The following MARS2 variants were observed in gnomAD, a reference collection of about 807,000 sequenced individuals.
MARS2 encodes methionyl-tRNA synthetase 2, mitochondrial.
Under a neutral mutation model 43.8 loss-of-function variants are expected in MARS2, and 33 were observed. The ratio of observed to expected loss-of-function variants is 0.75; its 90% confidence interval spans 0.57 to 1.01. The LOEUF (loss-of-function observed/expected upper bound fraction) is 1.01. Among genes scored for constraint, MARS2 ranks in the 50% least tolerant of loss-of-function variants. The pLI is 0.00. For synonymous variants in MARS2, 351 were observed against 325.5 expected, an observed-to-expected ratio of 1.08 and a Z score of -0.84; for missense variants, 720 against 763.0, an observed-to-expected ratio of 0.94 and a Z score of 0.66.
rs2089485117 is a variant in MARS2, at chr2:197,707,350, C to CTGT, written c.*164_*165insGTT. 4 of 575,542 alleles carry CTGT rather than the reference C, an allele frequency of 6.9e-6. No homozygotes were observed. The South Asian group carries it at 8.4e-5, about 12-fold the overall frequency. 35.7% of individuals were successfully genotyped at this position (575,542 alleles called of 1,614,324 possible). On this transcript the variant is annotated 3_prime_UTR_variant, in exon 1 of 1. Coordinates refer to ENST00000282276, the MANE Select transcript of MARS2 (RefSeq NM_138395.4). ...TTTGTAGCCTTTCAGGTGCCTGCTC[C>CTGT]TATTCATTTCTCTGTGACCATTGAT... is the stretch of plus-strand genomic sequence containing the variant.
chr2:197,707,513 T>G lies in MARS2; in HGVS notation c.*326T>G, dbSNP rs2089486348. The G allele has an allele frequency of 3.8e-6, 1 of 260,150 alleles. No individual in the cohort carries two copies. Among genetic ancestry groups the G allele is most frequent in the Non-Finnish European group, 8.0e-6 (1 of 125,300 alleles). The allele number at this position is 260,150 out of a possible 1,614,324, so 16.1% of individuals were successfully genotyped here. On this transcript the variant is annotated 3_prime_UTR_variant, in exon 1 of 1. Coordinates refer to ENST00000282276, the MANE Select transcript of MARS2 (RefSeq NM_138395.4). ...GCCCAAACTACCTCTCGTGGCTGGT[T>G]TTTCATTGGCCTGGCCTCTGCTTCT... is the stretch of plus-strand genomic sequence containing the variant.
rs770711473 is a variant in MARS2, at chr2:197,705,780, C to G, written c.375C>G (p.Phe125Leu). 17 of 1,613,278 alleles carry G rather than the reference C, an allele frequency of 1.1e-5. No individual in the cohort carries two copies. Among genetic ancestry groups the G allele is most frequent in the African/African-American group, 2.7e-5 (2 of 74,938 alleles). Residue 125 changes from phenylalanine (F) to leucine (L), a missense_variant, in exon 1 of 1, where the codon TTC becomes TTG. Phe to Leu is a conservative substitution (Grantham distance 22). Coordinates refer to ENST00000282276, the MANE Select transcript of MARS2 (RefSeq NM_138395.4). The stretch of plus-strand genomic sequence containing the variant: ...TCTCTGAGCAGTTCCAGCAGCTTTT[C>G]CAGGAGGCCGGTATCTCCTGCACAG... ...DRVSEQFQQL[F>L]QEAGISCTDF...
Position 197,706,693 on chromosome 2 carries a change from C to T in MARS2, c.1288C>T (p.Pro430Ser), listed in dbSNP as rs758848758. The change falls in exon 1 of 1, where the codon CCT becomes TCT. Residue 430 changes from proline (P) to serine (S), a missense_variant. Pro to Ser is a moderately conservative substitution (Grantham distance 74). Coordinates refer to ENST00000282276, the MANE Select transcript of MARS2 (RefSeq NM_138395.4). Reference sequence around the variant, plus strand: ...CCCAGCCTTCTGCACTACCTGCTTCCCTAGTGAGCCAGGGTTGGTGGGGCC... The same window carrying T: ...CCCAGCCTTCTGCACTACCTGCTTCTCTAGTGAGCCAGGGTTGGTGGGGCC... ...TYPAFCTTCF[P>S]SEPGLVGPSV... 5.0e-6 allele frequency: 8 copies of T among 1,614,052 alleles called. No homozygotes were observed. Among genetic ancestry groups the T allele is most frequent in the South Asian group, 1.1e-5 (1 of 91,088 alleles).
Position 197,705,483 on chromosome 2 carries a change from A to C in MARS2, c.78A>C (p.Pro26=), listed in dbSNP as rs11537632. The C allele has an allele frequency of 1.9e-6, 3 of 1,613,080 alleles. No individual in the cohort carries two copies. The highest frequency in any genetic ancestry group is 3.3e-5 in the Admixed American group (2 of 60,028). The stretch of plus-strand genomic sequence containing the variant: ...TGTCTCTCCTGGAGGACTTCGGCCC[A>C]CGCTACTACAGTTCGGGCTCCCTCA... ...SRLSLLEDFG[P]RYYSSGSLSA... is the part of the protein sequence containing the mutation. The change falls in exon 1 of 1, where the codon CCA becomes CCC. Residue 26 remains proline, a synonymous_variant. Transcript: ENST00000282276.
chr2:197,705,500 G>C lies in MARS2; in HGVS notation c.95G>C (p.Gly32Ala), dbSNP rs1238905307. 2 of 1,613,034 alleles carry C rather than the reference G, an allele frequency of 1.2e-6. No individual in the cohort carries two copies. Among genetic ancestry groups the C allele is most frequent in the Non-Finnish European group, 1.7e-6 (2 of 1,180,002 alleles). The change falls in exon 1 of 1, where the codon GGC (glycine) becomes GCC (alanine). Residue 32 changes from glycine (G) to alanine (A), a missense_variant. Physicochemically the swap from Gly to Ala is moderately conservative, Grantham distance 60. Coordinates refer to ENST00000282276, the MANE Select transcript of MARS2 (RefSeq NM_138395.4). ...EDFGPRYYSSGSLSAGDDACD... is the reference protein window; with the variant it reads ...EDFGPRYYSSASLSAGDDACD... ...TTCGGCCCACGCTACTACAGTTCGG[G>C]CTCCCTCAGTGCCGGCGATGATGCT...
In MARS2 at chr2:197,705,599, C is replaced by T. The variant is rs745420041; in HGVS notation, c.194C>T (p.Ser65Leu). Residue 65 changes from serine (S) to leucine (L), a missense_variant, in exon 1 of 1, where the codon TCG becomes TTG. By Grantham distance (145) the Ser-to-Leu change is moderately radical (BLOSUM62 -2). Coordinates refer to ENST00000282276, the MANE Select transcript of MARS2 (RefSeq NM_138395.4). ...GCGCCGCACATCGGGCACCTGTACT[C>T]GGCACTACTGGCGGACGCCCTATGC... ...NAAPHIGHLY[S>L]ALLADALCRH... 1.3e-5 allele frequency: 21 copies of T among 1,613,070 alleles called. No homozygotes were observed. The highest frequency in any genetic ancestry group is 1.5e-5 in the Non-Finnish European group (18 of 1,179,932).
chr2:197,706,906 G>C lies in MARS2; in HGVS notation c.1501G>C (p.Val501Leu). ...APWKLNWESP[V>L]DAPWLGTVLH... is the part of the protein sequence containing the mutation. ...ATGGAAGCTGAACTGGGAGAGCCCA[G>C]TGGATGCTCCCTGGCTGGGTACTGT... Residue 501 changes from valine to leucine, a missense_variant, in exon 1 of 1, where the codon GTG becomes CTG. By Grantham distance (32) the Val-to-Leu change is conservative. Coordinates refer to ENST00000282276, the MANE Select transcript of MARS2 (RefSeq NM_138395.4). 1 of 1,614,218 alleles carries C rather than the reference G, an allele frequency of 6.2e-7. No individual in the cohort carries two copies. The highest frequency in any genetic ancestry group is 8.5e-7 in the Non-Finnish European group (1 of 1,180,038).
chr2:197,705,502 T>G lies in MARS2; in HGVS notation c.97T>G (p.Ser33Ala). The G allele has an allele frequency of 6.2e-7, 1 of 1,613,174 alleles. No individual in the cohort carries two copies. Among genetic ancestry groups the G allele is most frequent in the Non-Finnish European group, 8.5e-7 (1 of 1,179,992 alleles). Residue 33 changes from serine to alanine, a missense_variant, in exon 1 of 1, where the codon TCC (serine) becomes GCC (alanine). By Grantham distance (99) the Ser-to-Ala change is moderately conservative. Coordinates refer to ENST00000282276, the MANE Select transcript of MARS2 (RefSeq NM_138395.4). ...DFGPRYYSSG[S>A]LSAGDDACDV... The stretch of plus-strand genomic sequence containing the variant: ...CGGCCCACGCTACTACAGTTCGGGC[T>G]CCCTCAGTGCCGGCGATGATGCTTG...
Position 197,705,369 on chromosome 2 carries a change from A to G in MARS2, c.-37A>G, listed in dbSNP as rs950461794. Reference sequence around the variant, plus strand: ...GCATGCGCCTCTCACACGTGCTGTCAGAACGCCGCCTCCTCCGCTTGCGGC... The same window carrying G: ...GCATGCGCCTCTCACACGTGCTGTCGGAACGCCGCCTCCTCCGCTTGCGGC... On this transcript the variant is annotated 5_prime_UTR_variant, in exon 1 of 1. Coordinates refer to ENST00000282276, the MANE Select transcript of MARS2 (RefSeq NM_138395.4). 5 of 1,540,868 alleles carry G rather than the reference A, an allele frequency of 3.2e-6. No individual in the cohort carries two copies. Among genetic ancestry groups the G allele is most frequent in the Non-Finnish European group, 4.4e-6 (5 of 1,141,354 alleles).
In MARS2 at chr2:197,706,726, C is replaced by G; in HGVS notation, c.1321C>G (p.Arg441Gly). Residue 441 changes from arginine to glycine, a missense_variant, in exon 1 of 1, where the codon CGT becomes GGT. Arg to Gly is a moderately radical substitution (Grantham distance 125). Transcript: ENST00000282276. ...SEPGLVGPSVRAQAEDYALVS... is the reference protein window; with the variant it reads ...SEPGLVGPSVGAQAEDYALVS... ...GCCAGGGTTGGTGGGGCCGTCAGTT[C>G]GTGCTCAGGCAGAGGATTATGCTCT... 6.2e-7 allele frequency: 1 copy of G among 1,613,998 alleles called. No homozygotes were observed. Among genetic ancestry groups the G allele is most frequent in the Non-Finnish European group, 8.5e-7 (1 of 1,180,032 alleles).
Position 197,707,030 on chromosome 2 carries a change from C to G in MARS2, c.1625C>G (p.Ser542Cys), listed in dbSNP as rs2089482480. 1.2e-6 allele frequency: 2 copies of G among 1,614,148 alleles called. No individual in the cohort carries two copies. The highest frequency in any genetic ancestry group is 8.5e-7 in the Non-Finnish European group (1 of 1,180,036). Residue 542 changes from serine (S) to cysteine (C), a missense_variant, in exon 1 of 1, where the codon TCT (serine) becomes TGT (cysteine). By Grantham distance (112) the Ser-to-Cys change is moderately radical. Coordinates refer to ENST00000282276, the MANE Select transcript of MARS2 (RefSeq NM_138395.4). ...ADKLLSRLGV[S>C]ASERSLGELY... is the part of the protein sequence containing the mutation. ...AAGCTGCTGTCTAGGCTGGGGGTCTCTGCCTCAGAGAGGAGTCTTGGAGAG... is the reference window on the plus strand; with the variant it reads ...AAGCTGCTGTCTAGGCTGGGGGTCTGTGCCTCAGAGAGGAGTCTTGGAGAG...
In MARS2 at chr2:197,705,441, C is replaced by T. The variant is rs573976844; in HGVS notation, c.36C>T (p.Arg12=). 6.8e-5 allele frequency: 109 copies of T among 1,612,238 alleles called. 2 individuals are homozygous for T. The South Asian group carries it at 1.1e-3, about 17-fold the overall frequency. ...CGTCCGTCCTCCGCCTGCTAGGACGCACGGGGGCTAGTAGGCTGTCTCTCC... is the reference window on the plus strand; with the variant it reads ...CGTCCGTCCTCCGCCTGCTAGGACGTACGGGGGCTAGTAGGCTGTCTCTCC... ...LRTSVLRLLG[R]TGASRLSLLE... The change falls in exon 1 of 1, where the codon CGC becomes CGT. Residue 12 remains arginine (R), a synonymous_variant. Coordinates refer to ENST00000282276, the MANE Select transcript of MARS2 (RefSeq NM_138395.4).
In MARS2 at chr2:197,705,465, C is replaced by T. The variant is rs201033319; in HGVS notation, c.60C>T (p.Leu20=). The change falls in exon 1 of 1, where the codon CTC becomes CTT. Residue 20 remains leucine, a synonymous_variant. Coordinates refer to ENST00000282276, the MANE Select transcript of MARS2 (RefSeq NM_138395.4). The part of the protein sequence containing the change: ...LGRTGASRLS[L]LEDFGPRYYS... ...GCACGGGGGCTAGTAGGCTGTCTCT[C>T]CTGGAGGACTTCGGCCCACGCTACT... The T allele has an allele frequency of 1.3e-4, 205 of 1,612,956 alleles. 2 individuals are homozygous for T. In the East Asian group the frequency reaches 1.8e-3, roughly 14 times the overall value.
chr2:197,706,410 C>T lies in MARS2; in HGVS notation c.1005C>T (p.Ile335=). 4 of 1,614,148 alleles carry T rather than the reference C, an allele frequency of 2.5e-6. No homozygotes were observed. The highest frequency in any genetic ancestry group is 3.4e-6 in the Non-Finnish European group (4 of 1,180,046). The stretch of plus-strand genomic sequence containing the variant: ...CCGGCATGAGCCCGCCACAGCGCAT[C>T]TGTGTCCATTCCCACTGGACAGTCT... The part of the protein sequence containing the change: ...LGAGMSPPQR[I]CVHSHWTVCG... Residue 335 remains isoleucine (I), a synonymous_variant, in exon 1 of 1, where the codon ATC becomes ATT. Transcript: ENST00000282276.
At position 197,706,499 on chromosome 2, in the gene MARS2, A is replaced by G. The variant is rs146365382; in HGVS notation, c.1094A>G (p.Tyr365Cys). Residue 365 changes from tyrosine (Y) to cysteine (C), a missense_variant, in exon 1 of 1, where the codon TAT (tyrosine) becomes TGT (cysteine). Transcript: ENST00000282276. ...VVDPRTCLNR[Y>C]TVDGFRYFLL... is the part of the protein sequence containing the mutation. ...GATCCTAGGACTTGCCTTAACCGCTATACCGTGGATGGCTTCCGCTACTTT... is the reference window on the plus strand; with the variant it reads ...GATCCTAGGACTTGCCTTAACCGCTGTACCGTGGATGGCTTCCGCTACTTT... The G allele has an allele frequency of 1.7e-4, 271 of 1,614,008 alleles. 3 individuals carry two copies. The Middle Eastern group carries it at 5.8e-3, about 34-fold the overall frequency.
Position 197,705,897 on chromosome 2 carries a change from C to G in MARS2, c.492C>G (p.Val164=). The G allele has an allele frequency of 1.2e-6, 2 of 1,614,166 alleles. No homozygotes were observed. Among genetic ancestry groups the G allele is most frequent in the African/African-American group, 1.3e-5 (1 of 75,070 alleles). The change falls in exon 1 of 1, where the codon GTC becomes GTG. Residue 164 remains valine, a synonymous_variant. Transcript: ENST00000282276. ...CCCGCGGTCTGCTCTACAAGGGCGT[C>G]TATGAAGGTTGGTATTGCGCTTCCG... ...LKSRGLLYKG[V]YEGWYCASDE...
At position 197,706,562 on chromosome 2, in the gene MARS2, A is replaced by G. The variant is rs756231243; in HGVS notation, c.1157A>G (p.Tyr386Cys). The change falls in exon 1 of 1, where the codon TAC becomes TGC. Residue 386 changes from tyrosine (Y) to cysteine (C), a missense_variant. By Grantham distance (194) the Tyr-to-Cys change is radical. Coordinates refer to ENST00000282276, the MANE Select transcript of MARS2 (RefSeq NM_138395.4). ...RQGVPNWDCD[Y>C]YDEKVVKLLN... Reference sequence around the variant, plus strand: ...GGCGTCCCCAACTGGGACTGTGACTACTATGATGAAAAGGTGGTTAAGTTG... The same window carrying G: ...GGCGTCCCCAACTGGGACTGTGACTGCTATGATGAAAAGGTGGTTAAGTTG... 3 of 1,614,244 alleles carry G rather than the reference A, an allele frequency of 1.9e-6. No individual in the cohort carries two copies. The highest frequency in any genetic ancestry group is 1.7e-5 in the Admixed American group (1 of 60,034).
rs149323484 is a variant in MARS2 at position 197,707,166 on chromosome 2, G to T, written c.1761G>T (p.Leu587=). 1,204 of 1,612,630 alleles carry T rather than the reference G, an allele frequency of 7.5e-4. 2 individuals are homozygous for T. Among genetic ancestry groups the T allele is most frequent in the Admixed American group, 1.1e-3 (65 of 59,808 alleles). ...FPRLDQSRTW[L]VKAHRT is the part of the protein sequence containing the mutation. The stretch of plus-strand genomic sequence containing the variant: ...GACTAGACCAGTCCAGGACTTGGCT[G>T]GTGAAAGCCCACCGGACCTAGAAAC... The change falls in exon 1 of 1, where the codon CTG becomes CTT. Residue 587 remains leucine, a synonymous_variant. Transcript: ENST00000282276.
rs1034294972 is a variant in MARS2 at position 197,707,371 on chromosome 2, T to C, written c.*184T>C. The stretch of plus-strand genomic sequence containing the variant: ...GCTCCTATTCATTTCTCTGTGACCA[T>C]TGATCACTGTCCTTTGTGCATTGTG... On this transcript the variant is annotated 3_prime_UTR_variant, in exon 1 of 1. Coordinates refer to ENST00000282276, the MANE Select transcript of MARS2 (RefSeq NM_138395.4). 2.0e-5 allele frequency: 12 copies of C among 606,524 alleles called. No homozygotes were observed. Among genetic ancestry groups the C allele is most frequent in the Admixed American group, 6.1e-5 (2 of 32,794 alleles). The allele number at this position is 606,524 out of a possible 1,614,324, so 37.6% of individuals were successfully genotyped here.
Sources: gnomAD v4.1 joint callset for allele counts on GRCh38, gnomAD v4.1.1 for gene constraint, MANE v1.5 for transcripts, NCBI Gene and HGNC (gene_info 2026-07-23, HGNC 2026-07-21) for gene names.